Variants in BRCA1 observed in about 807,000 individuals in gnomAD.
BRCA1 encodes the protein BRCA1 DNA repair associated.
Under a neutral mutation model 173.7 loss-of-function variants are expected in BRCA1, and 140 were observed. The observed-to-expected ratio is 0.81, with a 90% CI of 0.70 to 0.93. The LOEUF is 0.93. Ranked by LOEUF, BRCA1 falls within the 40% of genes least tolerant of loss-of-function variation. BRCA1 has a pLI of 0.00. For synonymous variants in BRCA1, 662 were observed against 756.0 expected, an observed-to-expected ratio of 0.88 and a Z score of 2.04; for missense variants, 1,983 against 2,172.5, an observed-to-expected ratio of 0.91 and a Z score of 1.73.
intron 1 of BRCA1, among the ~76,000 whole-genome samples, chr17:43,147,563 C>T (rs1179231499): frequency 1.3e-5 from 2 of 152,152 alleles, no homozygotes; most frequent in African/African-American, 2.4e-5. Context: ...CCGCCTCGGC[C>T]TCCCAAAGCG....
intron 1 of BRCA1, among the ~76,000 whole-genome samples, chr17:43,136,088 T>C (rs2056020391): frequency 6.6e-6 from 1 of 151,806 alleles, no homozygotes; most frequent in Non-Finnish European, 1.5e-5. Context: ...AGAACAGGAG[T>C]TCAAAACCAG....
chr17:43,080,732 A>T (rs1435153932), intron 12 of BRCA1, among the ~76,000 whole-genome samples: 2 of 151,930 alleles, frequency 1.3e-5, no homozygotes, highest in Non-Finnish European at 2.9e-5. Context: ...TCGCTTGAGG[A>T]GGTCGAGAGG....
chr17:43,057,928 G>A (rs1212340808), intron 18 of BRCA1, among the ~76,000 whole-genome samples: 1 of 144,446 alleles, frequency 6.9e-6, no homozygotes, highest in Non-Finnish European at 1.5e-5. Flanking sequence ...GCTGAGGCAT[G>A]AGAATTGCTG....
In BRCA1 at chr17:43,092,405, G is replaced by C. The variant is rs878854943; in HGVS notation, c.3126C>G (p.Ser1042Arg). The C allele has an allele frequency of 2.5e-6, 4 of 1,613,762 alleles. No homozygotes were observed. The highest frequency in any genetic ancestry group is 3.4e-6 in the Non-Finnish European group (4 of 1,179,938). Reference sequence around the variant, plus strand: ...TACTGGAACCTACTTCATTAATATTGCTTGAGCTGGCTTCTTTAAAAACAT... The same window carrying C: ...TACTGGAACCTACTTCATTAATATTCCTTGAGCTGGCTTCTTTAAAAACAT... ...RENVFKEASS[S>R]NINEVGSSTN... The change falls in exon 10 of 23, where the codon AGC becomes AGG. Residue 1042 changes from serine to arginine, a missense_variant. Coordinates refer to ENST00000357654, the MANE Select transcript of BRCA1 (RefSeq NM_007294.4).
chr17:43,090,721 G>GT (rs1301664604), intron 11 of BRCA1, among the ~76,000 whole-genome samples: 2 of 152,192 alleles, frequency 1.3e-5, no homozygotes, highest in African/African-American at 4.8e-5. Context: ...GCTAGGCAGT[G>GT]TATGTGTAGG....
chr17:43,046,008 G>A (rs1049098716), intron 22 of BRCA1, among the ~76,000 whole-genome samples: 1 of 145,884 alleles, frequency 6.9e-6, no homozygotes, highest in Non-Finnish European at 1.5e-5. Context: ...TTCAACCTCC[G>A]CCTCCTGGGT....
chr17:43,112,588 T>G (rs1223550447), intron 3 of BRCA1: 1 of 152,098 alleles, frequency 6.6e-6, no homozygotes, highest in Non-Finnish European at 1.5e-5. Flanking sequence ...CCAGCCTGGG[T>G]GTCAGAGGGA....
chr17:43,082,666 C>G, intron 11 of BRCA1, 91 bp from the exon 12 acceptor site: 2 of 1,432,696 alleles, frequency 1.4e-6, no homozygotes, highest in South Asian at 2.4e-5. Context: ...AATTTTAGCA[C>G]AGGAATTGAA....
chr17:43,114,390 C>CTTT (rs35851659), intron 3 of BRCA1, among the ~76,000 whole-genome samples: 20 of 138,894 alleles, frequency 1.4e-4, no homozygotes, highest in African/African-American at 4.0e-4. Context: ...AATACTGGGA[C>CTTT]TTTTTTTTTT....
chr17:43,091,122 G>T (rs2154260987), intron 10 of BRCA1, 90 bp from the exon 11 acceptor site: 2 of 1,224,054 alleles, frequency 1.6e-6, no homozygotes, highest in Non-Finnish European at 2.3e-6. Flanking sequence ...GGCAGGACTG[G>T]ATTTACTTTC....
In BRCA1 at chr17:43,074,498, G is replaced by T. The variant is rs80357437; in HGVS notation, c.4508C>A (p.Ser1503Ter). 3.1e-6 allele frequency: 5 copies of T among 1,614,014 alleles called. No homozygotes were observed. In the South Asian group the frequency reaches 5.5e-5, roughly 18 times the overall value. ...GTGCATGTACCACCTATCATCTAAT[G>T]ATGGGCATTTAGAAGGGGATGACCT... ...VERSSPSKCP[S>*]LDDRWYMHSC... Residue 1503 changes from serine to a stop codon, truncating the protein, a stop_gained, in exon 14 of 23, where the codon TCA (serine) becomes TAA (stop). Transcript: ENST00000357654. LOFTEE classifies it high-confidence loss of function.
chr17:43,055,474 C>T (rs918415352), intron 19 of BRCA1, among the ~76,000 whole-genome samples: 10 of 150,714 alleles, frequency 6.6e-5, no homozygotes, highest in Admixed American at 4.0e-4. Context: ...ATGGCAAAAC[C>T]CCATCTCTAA....
At chr17:43,147,572 C>T (rs12951574) in intron 1 of BRCA1, among the ~76,000 whole-genome samples, 47,978 of 151,738 alleles carry the variant, frequency 0.32, 7,877 homozygotes, top group South Asian at 0.49. Flanking sequence ...CCTCCCAAAG[C>T]GCTGGGATTA....
At chr17:43,127,297 C>A (rs1411210741), upstream of BRCA1, among the ~76,000 whole-genome samples, 1 of 152,226 alleles carries the variant, frequency 6.6e-6, no homozygotes, top group East Asian at 1.9e-4. Flanking sequence ...TTATGTCTAG[C>A]CTGAGGATTT....
intron 11 of BRCA1, among the ~76,000 whole-genome samples, chr17:43,090,285 C>T (rs766836245): frequency 3.0e-4 from 45 of 152,240 alleles, no homozygotes; most frequent in Non-Finnish European, 5.4e-4. Flanking sequence ...ATGCAGAGTC[C>T]CTTGAATCAT....
At chr17:43,133,061 C>T (rs2055983805) in intron 1 of BRCA1, 2 of 152,304 alleles carry the variant, frequency 1.3e-5, no homozygotes, top group South Asian at 4.2e-4. Flanking sequence ...CGTGAGCCAC[C>T]GCACCTGGTC....
chr17:43,150,070 A>G (rs1458678313), intron 1 of BRCA1, among the ~76,000 whole-genome samples: 1 of 152,076 alleles, frequency 6.6e-6, no homozygotes, highest in African/African-American at 2.4e-5. Flanking sequence ...GATTATAGGC[A>G]TGAGCCACCA....
chr17:43,157,479 C>G (rs374617321), intron 1 of BRCA1, among the ~76,000 whole-genome samples: 1 of 152,150 alleles, frequency 6.6e-6, no homozygotes, highest in Non-Finnish European at 1.5e-5. Flanking sequence ...GTGGGCAGAT[C>G]ACGAGGTCAG....
chr17:43,123,918 A>G, intron 2 of BRCA1, 99 bp downstream of exon 2: 1 of 922,998 alleles, frequency 1.1e-6, no homozygotes, highest in Non-Finnish European at 1.8e-6. Flanking sequence ...ATCTTACTAG[A>G]CATGTCTTTT....
Sources: allele counts gnomAD v4.1 joint callset (sites outside exome capture counted in the v4.1 genomes callset), GRCh38; gene constraint gnomAD v4.1.1; transcripts MANE v1.5; gene names NCBI Gene and HGNC (gene_info 2026-07-23, HGNC 2026-07-21).